VAMP5: variants seen among roughly 807,000 people sequenced by gnomAD.
VAMP5 encodes the protein vesicle associated membrane protein 5.
VAMP5 carries 10 observed loss-of-function variants against 8.1 expected under a neutral mutation model. That is an observed-to-expected ratio of 1.23 (90% confidence interval 0.76 to 2.09). VAMP5 has a LOEUF of 2.09. Ranked by LOEUF, VAMP5 falls within the 30% of genes most tolerant of loss-of-function variation. The pLI, the probability that VAMP5 is intolerant of heterozygous loss-of-function variation, is 0.00. For synonymous variants in VAMP5, 62 were observed against 60.6 expected (o/e 1.02, Z -0.11); for missense variants, 135 against 152.5 (o/e 0.89, Z 0.60).
At chr2:85,589,437 G>A (rs1006316257) in intron 1 of VAMP5, among the ~76,000 whole-genome samples, 1 of 152,148 alleles carries the variant, frequency 6.6e-6, no homozygotes, top group African/African-American at 2.4e-5. Context: ...TCGCATTGGG[G>A]GAGACTGGTC....
chr2:85,589,337 C>T (rs1389970385), intron 1 of VAMP5, among the ~76,000 whole-genome samples: 1 of 152,106 alleles, frequency 6.6e-6, no homozygotes, highest in Non-Finnish European at 1.5e-5. Flanking sequence ...CCAAGGAGGG[C>T]CCGAGACTTG....
In VAMP5 at chr2:85,593,207, G is replaced by T. The variant is rs772633283; in HGVS notation, c.*50G>T. ...CAAATGGCTGCACTGGCCGATTCTG[G>T]TCTCCAGAGGACCTTGGTGTTTGCT... On this transcript the variant is annotated 3_prime_UTR_variant, in exon 3 of 3. Transcript: ENST00000306384. The T allele has an allele frequency of 6.3e-7, 1 of 1,598,958 alleles. No homozygotes were observed. The highest frequency in any genetic ancestry group is 1.1e-5 in the South Asian group (1 of 90,080).
chr2:85,591,663 C>T (rs1672538878), intron 1 of VAMP5, 62 bp from the exon 2 acceptor site: 7 of 1,608,774 alleles, frequency 4.4e-6, no homozygotes, highest in African/African-American at 1.3e-5. Context: ...TTCTAGATCT[C>T]AGGGGCAGAT....
At chr2:85,584,801 C>T (rs1171027812) in intron 1 of VAMP5, among the ~76,000 whole-genome samples, 2 of 152,226 alleles carry the variant, frequency 1.3e-5, no homozygotes, top group Non-Finnish European at 2.9e-5. Flanking sequence ...GGGCTGGGAT[C>T]CCAGCTCTGT....
intron 1 of VAMP5, among the ~76,000 whole-genome samples, chr2:85,587,011 C>T (rs1390345427): frequency 6.6e-6 from 1 of 150,928 alleles, no homozygotes; most frequent in African/African-American, 2.4e-5. Flanking sequence ...GGAGGCAGAG[C>T]TTGCAGTGAG....
intron 1 of VAMP5, among the ~76,000 whole-genome samples, chr2:85,591,071 G>A (rs1026595389): frequency 6.6e-6 from 1 of 152,206 alleles, no homozygotes; most frequent in Non-Finnish European, 1.5e-5. Flanking sequence ...GCCAAAAACC[G>A]GTACCACTGA....
In VAMP5 at chr2:85,584,440, G is replaced by A. The variant is rs1480469143; in HGVS notation, c.-51G>A. On this transcript the variant is annotated 5_prime_UTR_variant, in exon 1 of 3. Transcript: ENST00000306384. ...CTCCGGGGCCGCTGGCACTGCGGCC[G>A]CTCCGCAGGCAGAGAAGCCGGGAGC... 2 of 1,242,864 alleles carry A rather than the reference G, an allele frequency of 1.6e-6. No individual in the cohort carries two copies. The highest frequency in any genetic ancestry group is 3.1e-5 in the East Asian group (1 of 31,760). The allele number at this position is 1,242,864 out of a possible 1,614,324, so 77.0% of individuals were successfully genotyped here. A position where few individuals can be genotyped will look rare whatever the true frequency, so the allele number is the denominator to read the frequency against.
At position 85,584,441 on chromosome 2, in the gene VAMP5, C is replaced by T. The variant is rs1289925464; in HGVS notation, c.-50C>T. On this transcript the variant is annotated 5_prime_UTR_variant, in exon 1 of 3. Transcript: ENST00000306384. ...TCCGGGGCCGCTGGCACTGCGGCCG[C>T]TCCGCAGGCAGAGAAGCCGGGAGCG... The T allele has an allele frequency of 8.0e-7, 1 of 1,243,502 alleles. No individual in the cohort carries two copies. Among genetic ancestry groups the T allele is most frequent in the Non-Finnish European group, 1.0e-6 (1 of 994,356 alleles). 77.0% of individuals were successfully genotyped at this position (1,243,502 alleles called of 1,614,324 possible). A position where few individuals can be genotyped will look rare whatever the true frequency, so the allele number is the denominator to read the frequency against.
At chr2:85,587,195 G>A (rs1037436361) in intron 1 of VAMP5, among the ~76,000 whole-genome samples, 5 of 152,112 alleles carry the variant, frequency 3.3e-5, no homozygotes, top group Non-Finnish European at 7.4e-5. Context: ...TTTGCCATAG[G>A]GAAGAGCTTG....
At chr2:85,590,319 T>C (rs1303626280) in intron 1 of VAMP5, among the ~76,000 whole-genome samples, 1 of 152,238 alleles carries the variant, frequency 6.6e-6, no homozygotes, top group African/African-American at 2.4e-5. Context: ...GGCTGTATCG[T>C]AATTGGCCCA....
rs1361297306 is a variant in VAMP5 at position 85,593,192 on chromosome 2, C to T, written c.*35C>T. The T allele has an allele frequency of 1.9e-6, 3 of 1,610,260 alleles. No homozygotes were observed. In the African/African-American group the frequency reaches 4.0e-5, roughly 21 times the overall value. ...TCCTGAAGGAGAAGCCAAATGGCTG[C>T]ACTGGCCGATTCTGGTCTCCAGAGG... On this transcript the variant is annotated 3_prime_UTR_variant, in exon 3 of 3. Coordinates refer to ENST00000306384, the MANE Select transcript of VAMP5 (RefSeq NM_006634.3).
At chr2:85,584,640 G>A (rs537171949) in intron 1 of VAMP5, 147 bp downstream of exon 1, 3 of 1,001,218 alleles carry the variant, frequency 3.0e-6, no homozygotes, top group African/African-American at 3.4e-5. Context: ...TGCTGGAGCA[G>A]GACGGGGCGG....
In VAMP5 at chr2:85,592,989, G is replaced by C. The variant is rs557761896; in HGVS notation, c.183G>C (p.Lys61Asn). Residue 61 changes from lysine to asparagine, a missense_variant, in exon 3 of 3, where the codon AAG (lysine) becomes AAC (asparagine). By Grantham distance (94) the Lys-to-Asn change is moderately conservative. Coordinates refer to ENST00000306384, the MANE Select transcript of VAMP5 (RefSeq NM_006634.3). ...AGACTACACAGAACCTGGCCCAGAAGAAGTGCTGGGAGAACATCCGTTACC... is the reference window on the plus strand; with the variant it reads ...AGACTACACAGAACCTGGCCCAGAACAAGTGCTGGGAGAACATCCGTTACC... ...FNKTTQNLAQ[K>N]KCWENIRYRI... 4.6e-5 allele frequency: 74 copies of C among 1,613,980 alleles called. 1 individual carries two copies. In the South Asian group the frequency reaches 7.5e-4, roughly 16 times the overall value.
chr2:85,585,615 T>A (rs1017390203), intron 1 of VAMP5, among the ~76,000 whole-genome samples: 1 of 152,158 alleles, frequency 6.6e-6, no homozygotes, highest in Admixed American at 6.5e-5. Context: ...AGCCGGCCCT[T>A]AGCTCTTTGG....
intron 1 of VAMP5, among the ~76,000 whole-genome samples, chr2:85,587,278 G>A (rs1000601908): frequency 1.5e-4 from 22 of 147,544 alleles, no homozygotes; most frequent in Non-Finnish European, 2.7e-4. Flanking sequence ...TTTTTTTTGA[G>A]ACAGAATCTC....
At chr2:85,587,864 C>G (rs1672487833) in intron 1 of VAMP5, among the ~76,000 whole-genome samples, 1 of 152,162 alleles carries the variant, frequency 6.6e-6, no homozygotes, top group Non-Finnish European at 1.5e-5. Context: ...TGAGTGCCGA[C>G]TTAGGGAGGC....
At chr2:85,588,381 G>A (rs1377982240) in intron 1 of VAMP5, among the ~76,000 whole-genome samples, 1 of 152,148 alleles carries the variant, frequency 6.6e-6, no homozygotes, top group Non-Finnish European at 1.5e-5. Flanking sequence ...CATTTCCTGT[G>A]TAACTGCCAC....
chr2:85,587,394 C>T (rs952448718), intron 1 of VAMP5, among the ~76,000 whole-genome samples: 6 of 151,694 alleles, frequency 4.0e-5, no homozygotes, highest in Non-Finnish European at 7.4e-5. Context: ...GCTGGGATTA[C>T]AGGTGCCCGC....
chr2:85,585,846 T>C (rs1468905582), intron 1 of VAMP5, among the ~76,000 whole-genome samples: 1 of 152,220 alleles, frequency 6.6e-6, no homozygotes, highest in Non-Finnish European at 1.5e-5. Context: ...TTTCCCTCCC[T>C]GGTCCTTCTT....
Sources: gnomAD v4.1 joint callset for allele counts (sites outside exome capture counted in the v4.1 genomes callset) on GRCh38, gnomAD v4.1.1 for gene constraint, MANE v1.5 for transcripts, NCBI Gene and HGNC (gene_info 2026-07-23, HGNC 2026-07-21) for gene names.